Variants in BCL2L13 observed in about 807,000 individuals in gnomAD.
BCL2L13 encodes the protein bcl-2-like protein 13.
BCL2L13 carries 13 observed loss-of-function variants against 25.8 expected under a neutral mutation model. The ratio of observed to expected loss-of-function variants is 0.50; its 90% CI spans 0.33 to 0.80. The LOEUF (loss-of-function observed/expected upper bound fraction) is 0.80, where lower values mean the gene tolerates loss of function less well. BCL2L13 is among the 30% of genes least tolerant of loss of function. The pLI is 0.02. For missense variants in BCL2L13, 504 were observed against 574.9 expected (o/e 0.88, Z 1.26); for synonymous variants, 244 against 230.3 (o/e 1.06, Z -0.54).
intron 6 of BCL2L13, among the ~76,000 whole-genome samples, chr22:17,714,790 CG>C (rs1353308309): frequency 6.6e-6 from 1 of 152,014 alleles, no homozygotes; most frequent in African/African-American, 2.4e-5. Flanking sequence ...AGTTGGAAAA[CG>C]TATATTTCCT....
chr22:17,720,085 A>G (rs2061070414), intron 6 of BCL2L13, among the ~76,000 whole-genome samples: 1 of 152,116 alleles, frequency 6.6e-6, no homozygotes, highest in African/African-American at 2.4e-5. Context: ...GGCAATTGTA[A>G]TGTGGTTGCA....
intron 2 of BCL2L13, among the ~76,000 whole-genome samples, chr22:17,677,258 T>A (rs75746874): frequency 0.015 from 2,269 of 152,368 alleles, 56 homozygotes; most frequent in African/African-American, 0.05. Context: ...GTTATTTTTG[T>A]CAGCTTTAAA....
intron 2 of BCL2L13, among the ~76,000 whole-genome samples, chr22:17,669,755 T>A (rs1270144605): frequency 6.6e-6 from 1 of 152,164 alleles, no homozygotes; most frequent in Non-Finnish European, 1.5e-5. Flanking sequence ...AACCAGTGGC[T>A]TTATTAGAAG....
At chr22:17,646,032 A>G (rs1960677770) in intron 1 of BCL2L13, among the ~76,000 whole-genome samples, 1 of 151,540 alleles carries the variant, frequency 6.6e-6, no homozygotes, top group African/African-American at 2.5e-5. Context: ...TGAGTAGGTT[A>G]TATACAAATA....
chr22:17,646,955 ATTTTTTTT>A (rs149460093), intron 1 of BCL2L13, among the ~76,000 whole-genome samples: 417 of 22,170 alleles, frequency 0.019, 9 homozygotes, highest in African/African-American at 0.053. Context: ...ATATATATAT[ATTTTTTTT>A]TTTTTTTTTT....
chr22:17,684,739 A>G (rs962849596), intron 3 of BCL2L13: 11 of 324,318 alleles, frequency 3.4e-5, no homozygotes, highest in South Asian at 2.3e-4. Flanking sequence ...AATTTTTTGT[A>G]TTTTTTTTTT....
chr22:17,712,279 T>A (rs113585690), intron 6 of BCL2L13, among the ~76,000 whole-genome samples: 1 of 152,206 alleles, frequency 6.6e-6, no homozygotes, highest in Non-Finnish European at 1.5e-5. Context: ...GTTGATAGTT[T>A]CAATAATGAA....
rs73378763 is a variant in BCL2L13, at chr22:17,707,548, T to C, written c.600+5162T>C. On this transcript the variant is annotated intron_variant, in intron 6 of 6. Coordinates refer to ENST00000317582, the MANE Select transcript of BCL2L13 (RefSeq NM_015367.4). ...CTCCCAACAATACAAATATTTTATATGAAGAATGATTTAGATTGTCAGAAT... is the reference window on the plus strand; with the variant it reads ...CTCCCAACAATACAAATATTTTATACGAAGAATGATTTAGATTGTCAGAAT... 2.8e-3 allele frequency among the ~76,000 whole-genome samples: 422 copies of C among 152,326 alleles called. 3 individuals carry two copies. Among genetic ancestry groups the C allele is most frequent in the African/African-American group, 9.8e-3 (407 of 41,566 alleles).
At chr22:17,660,938 C>T (rs2059045207) in intron 2 of BCL2L13, among the ~76,000 whole-genome samples, 1 of 144,118 alleles carries the variant, frequency 6.9e-6, no homozygotes, top group South Asian at 2.2e-4. Context: ...ACGCATGCCA[C>T]CACACCCAGC....
chr22:17,727,238 G>A lies in BCL2L13; in HGVS notation c.1162G>A (p.Ala388Thr), dbSNP rs749176101. ...ACTTGATGAAGAAGAGGTGAAAGCA[G>A]CAACAACTGAACCTACTGAAGTGGA... ...VELDEEEVKA[A>T]TTEPTEVEEV... The change falls in exon 7 of 7, where the codon GCA becomes ACA. Residue 388 changes from alanine to threonine, a missense_variant. Ala to Thr is a moderately conservative substitution (Grantham distance 58, BLOSUM62 0). Coordinates refer to ENST00000317582, the MANE Select transcript of BCL2L13 (RefSeq NM_015367.4). The A allele has an allele frequency of 1.9e-6, 3 of 1,614,266 alleles. No homozygotes were observed. The South Asian group carries it at 3.3e-5, about 18-fold the overall frequency.
At chr22:17,716,549 T>C (rs1190594882) in intron 6 of BCL2L13, among the ~76,000 whole-genome samples, 2 of 152,168 alleles carry the variant, frequency 1.3e-5, no homozygotes, top group Non-Finnish European at 2.9e-5. Context: ...GCCCTAGCGA[T>C]AGAGAAGAAA....
At chr22:17,680,300 G>A (rs1316210123) in intron 2 of BCL2L13, among the ~76,000 whole-genome samples, 1 of 150,022 alleles carries the variant, frequency 6.7e-6, no homozygotes, top group East Asian at 2.0e-4. Flanking sequence ...CACGAGGTCA[G>A]GAGATCAAGA....
intron 2 of BCL2L13, among the ~76,000 whole-genome samples, chr22:17,660,220 T>G (rs1339754223): frequency 6.8e-6 from 1 of 146,706 alleles, no homozygotes; most frequent in Admixed American, 6.8e-5. Context: ...TGGAAAATAC[T>G]GTTTTTTTAA....
intron 1 of BCL2L13, among the ~76,000 whole-genome samples, chr22:17,633,465 C>A (rs1201995715): frequency 6.6e-6 from 1 of 152,120 alleles, no homozygotes; most frequent in Non-Finnish European, 1.5e-5. Flanking sequence ...TATTTTCAGA[C>A]AAGTTTCAAA....
intron 2 of BCL2L13, among the ~76,000 whole-genome samples, chr22:17,660,233 G>A (rs1363358248): frequency 6.8e-6 from 1 of 146,580 alleles, no homozygotes; most frequent in Non-Finnish European, 1.6e-5. Context: ...TTTTTTAACA[G>A]TGGTTTATTT....
At position 17,727,774 on chromosome 22, in the gene BCL2L13, A is replaced by C. The variant is rs2061335982; in HGVS notation, c.*240A>C. ...AAATTGAGAATCTTAGGGGTAAAGC[A>C]CCCCCTCCAGGACCGGGTTTCTCAG... On this transcript the variant is annotated 3_prime_UTR_variant, in exon 7 of 7. Transcript: ENST00000317582. 3.5e-6 allele frequency: 2 copies of C among 572,978 alleles called. No homozygotes were observed. The highest frequency in any genetic ancestry group is 1.9e-5 in the African/African-American group (1 of 53,490). 35.5% of individuals were successfully genotyped at this position (572,978 alleles called of 1,614,324 possible).
intron 1 of BCL2L13, among the ~76,000 whole-genome samples, chr22:17,652,210 A>T (rs5747310): frequency 0.68 from 103,286 of 151,830 alleles, 35,589 homozygotes; most frequent in East Asian, 0.85. Context: ...AATTTTTTTT[A>T]AATTTTTTGT....
chr22:17,668,717 G>A (rs1169090909), intron 2 of BCL2L13, among the ~76,000 whole-genome samples: 6 of 151,346 alleles, frequency 4.0e-5, no homozygotes, highest in African/African-American at 1.5e-4. Context: ...CACCTGCCTT[G>A]GCCTCCCAAA....
At chr22:17,684,885 A>C (rs1364775526) in intron 3 of BCL2L13, among the ~76,000 whole-genome samples, 2 of 151,944 alleles carry the variant, frequency 1.3e-5, no homozygotes, top group Non-Finnish European at 2.9e-5. Context: ...GGCGCCTGCC[A>C]CCACACCCGA....
Sources: allele counts gnomAD v4.1 joint callset (sites outside exome capture counted in the v4.1 genomes callset), GRCh38; gene constraint gnomAD v4.1.1; transcripts MANE v1.5; gene names NCBI Gene and HGNC (gene_info 2026-07-23, HGNC 2026-07-21).